DLGAP2: variants seen among roughly 807,000 people sequenced by gnomAD.
The protein encoded by DLGAP2 is DLG associated protein 2.
A neutral mutation model predicts 100.3 loss-of-function variants in DLGAP2; 26 were observed. The ratio of observed to expected loss-of-function variants is 0.26; its 90% CI spans 0.19 to 0.36. DLGAP2 has a LOEUF of 0.36. Ranked by LOEUF, DLGAP2 falls within the 10% of genes least tolerant of loss-of-function variation. The pLI is 1.00. For synonymous variants in DLGAP2, 886 were observed against 630.1 expected, an observed-to-expected ratio of 1.41 and a Z score of -6.08; for missense variants, 1,858 against 1,453.2, an observed-to-expected ratio of 1.28 and a Z score of -4.53.
intron 1 of DLGAP2, among the ~76,000 whole-genome samples, chr8:766,271 G>C (rs1821213827): frequency 6.6e-6 from 1 of 152,196 alleles, no homozygotes; most frequent in South Asian, 2.1e-4. Flanking sequence ...CCTAGGTGTG[G>C]GGTACATAAC....
chr8:976,858 C>G (rs1800177607), intron 2 of DLGAP2, among the ~76,000 whole-genome samples: 4 of 151,988 alleles, frequency 2.6e-5, no homozygotes. Flanking sequence ...CATAAAATAC[C>G]TAGGTAACTG....
chr8:745,885 A>T (rs1417343994), intron 1 of DLGAP2, among the ~76,000 whole-genome samples: 2 of 152,238 alleles, frequency 1.3e-5, no homozygotes, highest in Non-Finnish European at 2.9e-5. Flanking sequence ...GACTGGAAGG[A>T]TACCGACTCC....
rs1179428266 is a variant in DLGAP2, at chr8:1,549,699, GC to G, written c.1230+19del. ...CTACCTCCAGGTAAGCAGGCTCACGGCCCTGTGGAGGCCGTCTCGGCACAGC... is the reference window on the plus strand; with the variant it reads ...CTACCTCCAGGTAAGCAGGCTCACGGCCTGTGGAGGCCGTCTCGGCACAGC... On this transcript the variant is annotated intron_variant, in intron 5 of 14. Transcript: ENST00000637795. 1.3e-6 allele frequency: 2 copies of G among 1,525,666 alleles called. No individual in the cohort carries two copies. Among genetic ancestry groups the G allele is most frequent in the Non-Finnish European group, 1.8e-6 (2 of 1,134,476 alleles). 94.5% of individuals were successfully genotyped at this position (1,525,666 alleles called of 1,614,324 possible). A position where few individuals can be genotyped will look rare whatever the true frequency, so the allele number is the denominator to read the frequency against.
chr8:1,217,703 G>T (rs1422574117), intron 2 of DLGAP2, among the ~76,000 whole-genome samples: 1 of 151,978 alleles, frequency 6.6e-6, no homozygotes, highest in African/African-American at 2.4e-5. Context: ...CACAGTGGCT[G>T]AACTAATTTA....
intron 3 of DLGAP2, among the ~76,000 whole-genome samples, chr8:1,325,728 C>T (rs1303865080): frequency 6.6e-6 from 1 of 152,138 alleles, no homozygotes; most frequent in Non-Finnish European, 1.5e-5. Flanking sequence ...TTTGGTACCG[C>T]TTGCCAAAGA....
At chr8:1,012,035 A>G (rs1563143283) in intron 2 of DLGAP2, among the ~76,000 whole-genome samples, 2 of 152,168 alleles carry the variant, frequency 1.3e-5, no homozygotes, top group South Asian at 2.1e-4. Context: ...AAGATGTTTT[A>G]TAGGCCCTGC....
Position 1,691,536 on chromosome 8 carries a change from T to C in DLGAP2, c.2706T>C (p.Ile902=), listed in dbSNP as rs1341832782. The C allele has an allele frequency of 2.5e-6, 4 of 1,613,224 alleles. No homozygotes were observed. Among genetic ancestry groups the C allele is most frequent in the Non-Finnish European group, 3.4e-6 (4 of 1,179,728 alleles). The change falls in exon 13 of 15, where the codon ATT becomes ATC. Residue 902 remains isoleucine (I), a splice_region_variant and synonymous_variant. Coordinates refer to ENST00000637795, the MANE Select transcript of DLGAP2 (RefSeq NM_001346810.2). ...EAEENDLSEE[I]LGKIRSAVGS... ...TGTTTTTGTTTTTGTTTTAAACAGT[T>C]CTCGGTAAAATCAGGAGTGCTGTTG...
intron 2 of DLGAP2, among the ~76,000 whole-genome samples, chr8:1,197,599 C>A (rs1009251544): frequency 6.6e-6 from 1 of 151,416 alleles, no homozygotes; most frequent in Admixed American, 6.6e-5. Flanking sequence ...CTGAGCGAAG[C>A]CAATGTGGAG....
intron 1 of DLGAP2, among the ~76,000 whole-genome samples, chr8:861,423 T>C (rs1797388402): frequency 6.6e-6 from 1 of 152,072 alleles, no homozygotes. Flanking sequence ...GTAGAAGAAG[T>C]TTGAAGCCCC....
intron 3 of DLGAP2, among the ~76,000 whole-genome samples, chr8:1,332,863 C>G (rs560951335): frequency 2.6e-5 from 4 of 152,186 alleles, no homozygotes; most frequent in Non-Finnish European, 5.9e-5. Flanking sequence ...TTGCTGGGTG[C>G]AGCAGACACG....
chr8:1,314,084 G>A (rs1200255953), intron 3 of DLGAP2, among the ~76,000 whole-genome samples: 1 of 152,180 alleles, frequency 6.6e-6, no homozygotes. Flanking sequence ...ATGAGTTACT[G>A]CTGACTTAAT....
At chr8:847,549 C>G (rs1477224789) in intron 1 of DLGAP2, among the ~76,000 whole-genome samples, 2 of 151,906 alleles carry the variant, frequency 1.3e-5, no homozygotes, top group Non-Finnish European at 2.9e-5. Flanking sequence ...CTCTGTCACC[C>G]AGGCTGGAGT....
intron 1 of DLGAP2, among the ~76,000 whole-genome samples, chr8:863,629 C>G (rs992475949): frequency 3.3e-5 from 5 of 152,164 alleles, no homozygotes; most frequent in African/African-American, 1.2e-4. Flanking sequence ...ATAGAATCCT[C>G]AGCACCGCGG....
intron 2 of DLGAP2, among the ~76,000 whole-genome samples, chr8:936,130 G>A (rs1799064917): frequency 6.6e-6 from 1 of 152,158 alleles, no homozygotes; most frequent in South Asian, 2.1e-4. Context: ...ACTGTGTACC[G>A]TGTGTCGCTG....
At chr8:1,376,109 A>G (rs571229938) in intron 3 of DLGAP2, among the ~76,000 whole-genome samples, 46 of 143,640 alleles carry the variant, frequency 3.2e-4, no homozygotes, top group African/African-American at 1.1e-3. Context: ...ACACCTCTCC[A>G]CGACCTCAGA....
chr8:1,274,102 G>A (rs1003739376), intron 3 of DLGAP2, among the ~76,000 whole-genome samples: 2 of 152,024 alleles, frequency 1.3e-5, no homozygotes, highest in Non-Finnish European at 2.9e-5. Flanking sequence ...GAATTTGCAA[G>A]AGTCAGATTT....
chr8:1,191,824 T>C (rs1016904417), intron 2 of DLGAP2, among the ~76,000 whole-genome samples: 3 of 152,332 alleles, frequency 2.0e-5, no homozygotes, highest in East Asian at 1.9e-4. Context: ...ATATAAGATA[T>C]GCCTTTAAGC....
intron 2 of DLGAP2, among the ~76,000 whole-genome samples, chr8:1,208,041 C>T (rs1278600410): frequency 6.6e-6 from 1 of 152,120 alleles, no homozygotes; most frequent in Non-Finnish European, 1.5e-5. Context: ...CTGATTATTT[C>T]TTTTGCTGTG....
chr8:1,477,802 A>AC (rs1053180705), intron 3 of DLGAP2, among the ~76,000 whole-genome samples: 2 of 151,786 alleles, frequency 1.3e-5, no homozygotes, highest in African/African-American at 4.8e-5. Flanking sequence ...TGAGAAAGAA[A>AC]AAAAAAAAGG....
Sources: gnomAD v4.1 joint callset for allele counts (sites outside exome capture counted in the v4.1 genomes callset) on GRCh38, gnomAD v4.1.1 for gene constraint, MANE v1.5 for transcripts, NCBI Gene and HGNC (gene_info 2026-07-23, HGNC 2026-07-21) for gene names.